The following PTK7 variants were observed in gnomAD, a reference collection of about 807,000 sequenced individuals.
The protein encoded by PTK7 is protein tyrosine kinase 7 (inactive), also known as inactive tyrosine-protein kinase 7.
A neutral mutation model predicts 116.6 loss-of-function variants in PTK7; 39 were observed. The ratio of observed to expected loss-of-function variants is 0.33; its 90% CI spans 0.26 to 0.44. The LOEUF (loss-of-function observed/expected upper bound fraction) is 0.44. Among genes scored for constraint, PTK7 ranks in the 20% least tolerant of loss-of-function variants. PTK7 has a pLI of 1.00. For synonymous variants in PTK7, 546 were observed against 563.6 expected, an observed-to-expected ratio of 0.97 and a Z score of 0.44; for missense variants, 1,169 against 1,425.6, an observed-to-expected ratio of 0.82 and a Z score of 2.90.
In PTK7 at chr6:43,076,664, C is replaced by A. The variant is rs369729431; in HGVS notation, c.79+97C>A. On this transcript the variant is annotated intron_variant, in intron 1 of 19. Coordinates refer to ENST00000230419, the MANE Select transcript of PTK7 (RefSeq NM_002821.5). The surrounding 1 kb of genome is among the most constrained non-coding windows in gnomAD (Gnocchi z 5.7). ...GGGCGGTGGGTTTGGGCGGCTGGAA[C>A]GGCCCTGGAGTAGTGGAGAGGCTCG... The A allele has an allele frequency of 7.8e-5, 113 of 1,441,786 alleles. 2 individuals are homozygous for A. In the East Asian group the frequency reaches 9.9e-4, roughly 13 times the overall value. 89.3% of individuals were successfully genotyped at this position (1,441,786 alleles called of 1,614,324 possible).
chr6:43,147,360 A>T (rs576931240), intron 17 of PTK7, among the ~76,000 whole-genome samples: 1 of 152,298 alleles, frequency 6.6e-6, no homozygotes, highest in South Asian at 2.1e-4. Flanking sequence ...ACCTCAGTCC[A>T]TACCTTTCCA....
At chr6:43,159,024 C>G in intron 18 of PTK7, 56 bp downstream of exon 18, 1 of 1,597,594 alleles carries the variant, frequency 6.3e-7, no homozygotes, top group Non-Finnish European at 8.5e-7. Context: ...GGGTGAGGGG[C>G]AGAGGACAGA....
chr6:43,142,033 A>G lies in PTK7; in HGVS notation c.1871A>G (p.Gln624Arg). ...EAQGDPKPLI[Q>R]WKGKDRILDP... ...CAGGGGGACCCCAAGCCGCTGATTC[A>G]GTGGAAAGGCAAGGACCGCATCCTG... The change falls in exon 12 of 20, where the codon CAG becomes CGG. Residue 624 changes from glutamine to arginine, a missense_variant. Gln to Arg is a conservative substitution (Grantham distance 43). This residue lies in a region of PTK7 where 678 missense variants were observed against 853.8 expected (regional missense o/e 0.79). Coordinates refer to ENST00000230419, the MANE Select transcript of PTK7 (RefSeq NM_002821.5). 1 of 1,613,882 alleles carries G rather than the reference A, an allele frequency of 6.2e-7. No homozygotes were observed.
chr6:43,131,033 A>T (rs888454799), intron 5 of PTK7, among the ~76,000 whole-genome samples: 4 of 89,236 alleles, frequency 4.5e-5, no homozygotes, highest in Non-Finnish European at 6.7e-5. Context: ...AAGACATCAC[A>T]CACACACACA....
At chr6:43,116,819 A>G (rs1289026888) in intron 1 of PTK7, among the ~76,000 whole-genome samples, 1 of 151,692 alleles carries the variant, frequency 6.6e-6, no homozygotes, top group Non-Finnish European at 1.5e-5. Context: ...TTTTATTTTT[A>G]TGTATTTGTT....
intron 1 of PTK7, among the ~76,000 whole-genome samples, chr6:43,116,239 G>A (rs537450669): frequency 5.5e-4 from 83 of 152,230 alleles, no homozygotes; most frequent in African/African-American, 1.9e-3. Context: ...AGGAAGGGTC[G>A]CAAGAGGGGC....
At chr6:43,132,343 T>G (rs2150434032) in intron 6 of PTK7, 78 bp from the exon 7 acceptor site, 2 of 1,518,346 alleles carry the variant, frequency 1.3e-6, no homozygotes, top group East Asian at 4.5e-5. Flanking sequence ...GGAAAGGGCC[T>G]AGGCTTGCTG....
Position 43,076,677 on chromosome 6 carries a change from G to A in PTK7, c.79+110G>A. On this transcript the variant is annotated intron_variant, in intron 1 of 19. Coordinates refer to ENST00000230419, the MANE Select transcript of PTK7 (RefSeq NM_002821.5). The surrounding 1 kb of genome is among the most constrained non-coding windows in gnomAD (Gnocchi z 5.7). ...GGGCGGCTGGAACGGCCCTGGAGTA[G>A]TGGAGAGGCTCGCTGGGGGTGCAGG... 7.1e-7 allele frequency: 1 copy of A among 1,412,944 alleles called. No homozygotes were observed. The highest frequency in any genetic ancestry group is 2.8e-5 in the Admixed American group (1 of 35,198). 87.5% of individuals were successfully genotyped at this position (1,412,944 alleles called of 1,614,324 possible). A position where few individuals can be genotyped will look rare whatever the true frequency, so the allele number is the denominator to read the frequency against.
rs1003884392 is a variant in PTK7 at position 43,113,249 on chromosome 6, A to G, written c.80-15728A>G. 3.9e-5 allele frequency among the ~76,000 whole-genome samples: 6 copies of G among 152,028 alleles called. No homozygotes were observed. The East Asian group carries it at 9.6e-4, about 24-fold the overall frequency. On this transcript the variant is annotated intron_variant, in intron 1 of 19. Transcript: ENST00000230419. Reference sequence around the variant, plus strand: ...GAGTTTGAGTTCGAGCCTAGCCAAGATGGTGAAACCCCGTCTCTACTAAAA... The same window carrying G: ...GAGTTTGAGTTCGAGCCTAGCCAAGGTGGTGAAACCCCGTCTCTACTAAAA...
chr6:43,154,518 C>T (rs1192367003), intron 17 of PTK7, among the ~76,000 whole-genome samples: 2 of 152,138 alleles, frequency 1.3e-5, no homozygotes, highest in Non-Finnish European at 2.9e-5. Flanking sequence ...ATGAATGATG[C>T]TCTTACTAAG....
In PTK7 at chr6:43,129,189, A is replaced by G; in HGVS notation, c.292A>G (p.Thr98Ala). 4 of 1,614,154 alleles carry G rather than the reference A, an allele frequency of 2.5e-6. No individual in the cohort carries two copies. Among genetic ancestry groups the G allele is most frequent in the Non-Finnish European group, 3.4e-6 (4 of 1,180,034 alleles). The change falls in exon 2 of 20, where the codon ACC (threonine) becomes GCC (alanine). Residue 98 changes from threonine to alanine, a missense_variant. Thr to Ala is a moderately conservative substitution (Grantham distance 58). Transcript: ENST00000230419. This position sits in a 1 kb window ranked among gnomAD's most constrained non-coding sequence, Gnocchi z 4.5. ...AAVDRLQDSG[T>A]FQCVARDDVT... The stretch of plus-strand genomic sequence containing the variant: ...TGTGGACCGGCTGCAGGACTCTGGC[A>G]CCTTCCAGTGTGTGGCTCGGGATGA...
At chr6:43,159,045 G>A (rs1487217134) in intron 18 of PTK7, 77 bp downstream of exon 18, 3 of 1,568,666 alleles carry the variant, frequency 1.9e-6, no homozygotes, top group Non-Finnish European at 2.6e-6. Flanking sequence ...TAGTTTGGGG[G>A]GTGTGGGAAA....
At chr6:43,148,096 T>TA (rs901704173) in intron 17 of PTK7, among the ~76,000 whole-genome samples, 6 of 151,594 alleles carry the variant, frequency 4.0e-5, no homozygotes, top group Non-Finnish European at 8.8e-5. Flanking sequence ...CTACAAAAAA[T>TA]AAAAAAAAGT....
chr6:43,124,580 G>A (rs1769168634), intron 1 of PTK7, among the ~76,000 whole-genome samples: 1 of 152,220 alleles, frequency 6.6e-6, no homozygotes, highest in Admixed American at 6.5e-5. Context: ...GGAGGCCGAG[G>A]TGGGAGGATC....
chr6:43,104,122 G>A (rs1455676976), intron 1 of PTK7, among the ~76,000 whole-genome samples: 2 of 152,144 alleles, frequency 1.3e-5, no homozygotes, highest in African/African-American at 4.8e-5. Flanking sequence ...GAGGGAGGGT[G>A]AGTGCCACAT....
At chr6:43,149,551 C>T (rs781266348) in intron 17 of PTK7, among the ~76,000 whole-genome samples, 9 of 151,964 alleles carry the variant, frequency 5.9e-5, no homozygotes, top group Non-Finnish European at 1.3e-4. Context: ...GATTATAATC[C>T]CTTTTAGGAA....
intron 6 of PTK7, 100 bp downstream of exon 6, chr6:43,132,264 C>T: frequency 6.6e-7 from 1 of 1,510,954 alleles, no homozygotes; most frequent in South Asian, 1.3e-5. Context: ...GCTTGGAGGG[C>T]AGGGGAAGAA....
intron 1 of PTK7, among the ~76,000 whole-genome samples, chr6:43,083,827 C>T (rs1356048931): frequency 2.0e-5 from 3 of 152,190 alleles, no homozygotes; most frequent in Non-Finnish European, 4.4e-5. Flanking sequence ...GATATGCACT[C>T]ACAGGTTTAG....
intron 1 of PTK7, among the ~76,000 whole-genome samples, chr6:43,122,522 C>T (rs142420427): frequency 6.6e-6 from 1 of 152,294 alleles, no homozygotes; most frequent in African/African-American, 2.4e-5. Context: ...ACAGGAGCCA[C>T]CCACCTTGAC....
Sources: gnomAD v4.1 joint callset for allele counts (sites outside exome capture counted in the v4.1 genomes callset) on GRCh38, gnomAD v4.1.1 for gene constraint, gnomAD v4.1.1 regional missense constraint, Gnocchi (gnomAD v3.1) non-coding constraint, MANE v1.5 for transcripts, NCBI Gene and HGNC (gene_info 2026-07-23, HGNC 2026-07-21) for gene names.